The following PEPD variants were observed in gnomAD, a reference collection of about 807,000 sequenced individuals.
The protein encoded by PEPD is xaa-Pro dipeptidase.
In PEPD, 53 loss-of-function variants were observed where a neutral mutation model predicts 60.7. The ratio of observed to expected loss-of-function variants is 0.87; its 90% CI spans 0.70 to 1.10. The LOEUF is 1.10. Ranked by LOEUF, PEPD falls within the 50% of genes least tolerant of loss-of-function variation. PEPD has a pLI of 0.00. For missense variants in PEPD, 711 were observed against 711.9 expected, an observed-to-expected ratio of 1.00 and a Z score of 0.01; for synonymous variants, 267 against 284.1, an observed-to-expected ratio of 0.94 and a Z score of 0.60.
intron 9 of PEPD, among the ~76,000 whole-genome samples, chr19:33,456,591 G>A (rs1407622915): frequency 6.6e-6 from 1 of 152,156 alleles, no homozygotes; most frequent in Non-Finnish European, 1.5e-5. Context: ...TTCTCTGAAT[G>A]GGCTGTGCCA....
intron 4 of PEPD, among the ~76,000 whole-genome samples, chr19:33,498,589 C>G (rs34221005): frequency 0.22 from 33,773 of 151,984 alleles, 4,087 homozygotes; most frequent in Non-Finnish European, 0.28. Context: ...GGTCCCACCA[C>G]GGTCCTTGAG....
chr19:33,407,740 A>G (rs1968664564), intron 11 of PEPD, among the ~76,000 whole-genome samples: 1 of 152,224 alleles, frequency 6.6e-6, no homozygotes, highest in Admixed American at 6.5e-5. Context: ...GAACCCCAGG[A>G]TCACAGCGGG....
chr19:33,484,189 G>A (rs999534990), intron 6 of PEPD, among the ~76,000 whole-genome samples: 13 of 152,082 alleles, frequency 8.5e-5, no homozygotes, highest in African/African-American at 2.7e-4. Context: ...AAGAGACTAC[G>A]GGCAGCCAGT....
intron 9 of PEPD, among the ~76,000 whole-genome samples, chr19:33,457,801 C>T (rs1466909740): frequency 6.6e-6 from 1 of 152,266 alleles, no homozygotes; most frequent in Non-Finnish European, 1.5e-5. Flanking sequence ...TGAGCCACCA[C>T]ACCCAACACC....
chr19:33,518,758 G>T (rs886088922), intron 1 of PEPD, among the ~76,000 whole-genome samples: 1 of 152,122 alleles, frequency 6.6e-6, no homozygotes, highest in Non-Finnish European at 1.5e-5. Context: ...AACCCCAGGG[G>T]TTCTAAGGAT....
At chr19:33,430,651 T>A (rs920393669) in intron 9 of PEPD, among the ~76,000 whole-genome samples, 1 of 152,232 alleles carries the variant, frequency 6.6e-6, no homozygotes, top group Non-Finnish European at 1.5e-5. Flanking sequence ...TATCTTTTTA[T>A]CAGAGTAAAG....
intron 9 of PEPD, among the ~76,000 whole-genome samples, chr19:33,441,434 C>T (rs964715275): frequency 2.6e-5 from 4 of 152,220 alleles, no homozygotes; most frequent in Non-Finnish European, 2.9e-5. Context: ...CCAGGAAATA[C>T]GGCCGCCTGC....
intron 9 of PEPD, among the ~76,000 whole-genome samples, chr19:33,460,796 G>A (rs1969911797): frequency 1.3e-5 from 2 of 152,136 alleles, no homozygotes; most frequent in South Asian, 2.1e-4. Context: ...CGGTGCACTC[G>A]GCTGTGGCCT....
intron 9 of PEPD, among the ~76,000 whole-genome samples, chr19:33,416,271 T>A (rs867495390): frequency 1.3e-5 from 2 of 152,134 alleles, no homozygotes; most frequent in African/African-American, 4.8e-5. Context: ...ATGACCGACA[T>A]GCCATGGCAG....
intron 9 of PEPD, among the ~76,000 whole-genome samples, chr19:33,434,791 C>T (rs1015590801): frequency 6.6e-6 from 1 of 152,104 alleles, no homozygotes; most frequent in Admixed American, 6.5e-5. Flanking sequence ...GGGCCAGAAC[C>T]CAGCCAGGTG....
At chr19:33,515,137 G>A (rs969212935) in intron 1 of PEPD, among the ~76,000 whole-genome samples, 3 of 152,308 alleles carry the variant, frequency 2.0e-5, no homozygotes, top group South Asian at 4.1e-4. Context: ...CTGGTGCCTT[G>A]CCTGACACAC....
At chr19:33,426,040 G>A (rs879657851) in intron 9 of PEPD, among the ~76,000 whole-genome samples, 43 of 152,212 alleles carry the variant, frequency 2.8e-4, no homozygotes, top group African/African-American at 8.9e-4. Flanking sequence ...GGCTGCTCTC[G>A]AACTCCTGGC....
chr19:33,412,995 C>G (rs1207298526), intron 10 of PEPD, among the ~76,000 whole-genome samples: 1 of 152,242 alleles, frequency 6.6e-6, no homozygotes, highest in Non-Finnish European at 1.5e-5. Context: ...TCCAAGCACA[C>G]CCAGCCAGGT....
At chr19:33,466,098 A>C (rs1310407582) in intron 7 of PEPD, among the ~76,000 whole-genome samples, 1 of 152,244 alleles carries the variant, frequency 6.6e-6, no homozygotes, top group African/African-American at 2.4e-5. Flanking sequence ...AACTCCAAGT[A>C]TGTGGCTCTG....
At chr19:33,397,361 C>T (rs532279944) in intron 12 of PEPD, among the ~76,000 whole-genome samples, 13 of 152,202 alleles carry the variant, frequency 8.5e-5, no homozygotes, top group Admixed American at 7.8e-4. Flanking sequence ...CGGGCAGTCT[C>T]GGTGGGGTGT....
intron 4 of PEPD, 55 bp from the exon 5 acceptor site, chr19:33,493,392 A>T: frequency 8.5e-7 from 1 of 1,171,304 alleles, no homozygotes; most frequent in Non-Finnish European, 1.3e-6. Context: ...CCTAATGAAG[A>T]TGACATGCCA....
intron 4 of PEPD, chr19:33,493,568 C>T: frequency 3.2e-6 from 2 of 615,816 alleles, no homozygotes; most frequent in South Asian, 1.8e-5. Flanking sequence ...CTACACCTGG[C>T]TCGCTTCCCA....
intron 5 of PEPD, among the ~76,000 whole-genome samples, chr19:33,491,293 A>C (rs995988428): frequency 2.0e-5 from 3 of 152,148 alleles, no homozygotes; most frequent in East Asian, 3.9e-4. Flanking sequence ...CTAACAAAAA[A>C]CACAATATTA....
chr19:33,471,267 T>C (rs562865843), intron 7 of PEPD, among the ~76,000 whole-genome samples: 2 of 152,276 alleles, frequency 1.3e-5, no homozygotes, highest in East Asian at 3.9e-4. Flanking sequence ...CAATTATCCG[T>C]AGGGCACTCT....
Sources: gnomAD v4.1 joint callset for allele counts (sites outside exome capture counted in the v4.1 genomes callset) on GRCh38, gnomAD v4.1.1 for gene constraint, MANE v1.5 for transcripts, NCBI Gene and HGNC (gene_info 2026-07-23, HGNC 2026-07-21) for gene names.